SERPINA12: variants seen among roughly 807,000 people sequenced by gnomAD.
SERPINA12 encodes serpin family A member 12, also known as serpin A12.
In SERPINA12, 21 loss-of-function variants were observed where a neutral mutation model predicts 25.9. That is an observed-to-expected ratio of 0.81 (90% confidence interval 0.58 to 1.17). The LOEUF is 1.17. Among genes scored for constraint, SERPINA12 ranks in the 50% most tolerant of loss-of-function variants. The pLI, the probability that SERPINA12 is intolerant of heterozygous loss-of-function variation, is 0.00. For missense variants in SERPINA12, 562 were observed against 508.3 expected (o/e 1.11, Z -1.02); for synonymous variants, 220 against 196.0 (o/e 1.12, Z -1.02).
chr14:94,501,383 A>T (rs1900715865), intron 1 of SERPINA12, among the ~76,000 whole-genome samples: 1 of 152,040 alleles, frequency 6.6e-6, no homozygotes, highest in Admixed American at 6.5e-5. Flanking sequence ...ACCCACAGAA[A>T]GCACCATCCT....
chr14:94,510,068 G>A (rs916759704), upstream of SERPINA12: 5 of 985,256 alleles, frequency 5.1e-6, no homozygotes, highest in African/African-American at 7.0e-5. Context: ...TCAGGGCCTG[G>A]GCCTGTGGTC....
At chr14:94,510,112 T>C, upstream of SERPINA12, 1 of 985,448 alleles carries the variant, frequency 1.0e-6, no homozygotes, top group Non-Finnish European at 1.2e-6. Flanking sequence ...ATAATGCACC[T>C]GGTGGCTGGA....
upstream of SERPINA12, chr14:94,510,169 G>A (rs1901072201): frequency 1.0e-6 from 1 of 985,234 alleles, no homozygotes; most frequent in South Asian, 4.7e-5. Flanking sequence ...CTGTACAATG[G>A]GCAATAGGAG....
chr14:94,505,538 T>G (rs912129405), intron 1 of SERPINA12, among the ~76,000 whole-genome samples: 1 of 152,208 alleles, frequency 6.6e-6, no homozygotes, highest in Non-Finnish European at 1.5e-5. Flanking sequence ...AAGGACAGGC[T>G]GAGACCAAGG....
intron 2 of SERPINA12, among the ~76,000 whole-genome samples, chr14:94,515,171 T>A (rs1901199692): frequency 6.6e-6 from 1 of 152,164 alleles, no homozygotes; most frequent in Non-Finnish European, 1.5e-5. Context: ...ATCCTGAAAC[T>A]ATGCGACGTG....
At position 94,496,407 on chromosome 14, in the gene SERPINA12, T is replaced by C. The variant is rs1900420871; in HGVS notation, c.871A>G (p.Thr291Ala). The change falls in exon 3 of 5, where the codon ACT (threonine) becomes GCT (alanine). Residue 291 changes from threonine (T) to alanine (A), a missense_variant. Transcript: ENST00000677451. ...KHLEKGLQVD[T>A]FSRWKTLLSR... is the part of the protein sequence containing the mutation. ...AGTAATGTTTTCCATCTGGAGAAAG[T>C]GTCCACCTGCAATCCCTTCTCCAAG... 5 of 1,614,078 alleles carry C rather than the reference T, an allele frequency of 3.1e-6. No individual in the cohort carries two copies. The highest frequency in any genetic ancestry group is 1.3e-5 in the African/African-American group (1 of 74,916).
At chr14:94,509,876 C>G (rs551205644), upstream of SERPINA12, 6 of 612,548 alleles carry the variant, frequency 9.8e-6, no homozygotes, top group South Asian at 3.6e-4. Context: ...TGAGCAGAAT[C>G]GTCCACCCCA....
chr14:94,487,723 G>A (rs116034507), intron 4 of SERPINA12, among the ~76,000 whole-genome samples: 3 of 152,296 alleles, frequency 2.0e-5, no homozygotes, highest in African/African-American at 7.2e-5. Context: ...CATCAGTTAC[G>A]GGAGTCGGTG....
intron 1 of SERPINA12, among the ~76,000 whole-genome samples, chr14:94,508,174 G>A (rs1156665284): frequency 6.6e-6 from 1 of 152,240 alleles, no homozygotes; most frequent in Non-Finnish European, 1.5e-5. Context: ...GGCAAAGACT[G>A]AGTAAATGCA....
At chr14:94,490,582 T>G (rs956353014) in intron 3 of SERPINA12, among the ~76,000 whole-genome samples, 1 of 152,008 alleles carries the variant, frequency 6.6e-6, no homozygotes, top group Non-Finnish European at 1.5e-5. Flanking sequence ...CATGCTAGAG[T>G]GACCCTATCC....
At chr14:94,517,468 G>T (rs925355131) in exon 1 of SERPINA12, 1 of 152,248 alleles carries the variant, frequency 6.6e-6, no homozygotes, top group Admixed American at 6.5e-5. Context: ...CTGTAGGGCC[G>T]ATGAGTCAGA....
upstream of SERPINA12, among the ~76,000 whole-genome samples, chr14:94,509,624 G>A (rs1440410530): frequency 6.6e-6 from 1 of 152,130 alleles, no homozygotes; most frequent in East Asian, 1.9e-4. Flanking sequence ...AATGCGTCTG[G>A]GAGTTCCCTT....
At chr14:94,501,012 C>A (rs1900695088) in intron 1 of SERPINA12, 3 of 985,040 alleles carry the variant, frequency 3.0e-6, no homozygotes, top group African/African-American at 3.5e-5. Flanking sequence ...CCTTCTACCC[C>A]CAAAAACCAC....
chr14:94,497,790 A>G lies in SERPINA12; in HGVS notation c.608T>C (p.Leu203Pro), dbSNP rs61758960. 4.7e-3 allele frequency: 7,564 copies of G among 1,607,980 alleles called. 24 individuals carry two copies. Among genetic ancestry groups the G allele is most frequent in the Non-Finnish European group, 6.0e-3 (7,051 of 1,177,480 alleles). Residue 203 changes from leucine to proline, a missense_variant, in exon 2 of 5, where the codon CTT (leucine) becomes CCT (proline). Leu to Pro is a moderately conservative substitution (Grantham distance 98). Coordinates refer to ENST00000677451, the MANE Select transcript of SERPINA12 (RefSeq NM_001382267.1). ...TCGAAAGAAAATATAATTTGCAAGA[A>G]GCATCACAGTGCCGGGGTCTATATT... is the stretch of plus-strand genomic sequence containing the variant. The part of the protein sequence containing the change: ...IENIDPGTVM[L>P]LANYIFFRAR...
At chr14:94,501,997 C>A (rs909566788) in intron 1 of SERPINA12, among the ~76,000 whole-genome samples, 1 of 150,682 alleles carries the variant, frequency 6.6e-6, no homozygotes, top group East Asian at 2.0e-4. Context: ...CTGAGTTGAG[C>A]AATTGTTTGT....
chr14:94,504,499 A>T (rs1454194734), intron 1 of SERPINA12, among the ~76,000 whole-genome samples: 1 of 152,240 alleles, frequency 6.6e-6, no homozygotes, highest in Non-Finnish European at 1.5e-5. Context: ...ATTGCTGCCC[A>T]TGGGAACAGG....
At chr14:94,490,807 GT>G (rs1432091155) in intron 3 of SERPINA12, among the ~76,000 whole-genome samples, 1 of 152,136 alleles carries the variant, frequency 6.6e-6, no homozygotes, top group Non-Finnish European at 1.5e-5. Context: ...CCAGCTCTCA[GT>G]GAGCCGCACG....
chr14:94,502,131 A>G (rs1175524184), intron 1 of SERPINA12, among the ~76,000 whole-genome samples: 1 of 151,970 alleles, frequency 6.6e-6, no homozygotes, highest in South Asian at 2.1e-4. Flanking sequence ...AAAAAGAACA[A>G]GATAGAAACC....
intron 1 of SERPINA12, 117 bp from the exon 2 acceptor site, chr14:94,498,547 A>G: frequency 1.2e-6 from 1 of 820,270 alleles, no homozygotes; most frequent in East Asian, 2.6e-5. Context: ...GCAGTTTATG[A>G]GTGCTTTGAC....
Sources: allele counts gnomAD v4.1 joint callset (sites outside exome capture counted in the v4.1 genomes callset), GRCh38; gene constraint gnomAD v4.1.1; transcripts MANE v1.5; gene names NCBI Gene and HGNC (gene_info 2026-07-23, HGNC 2026-07-21).